The following CSMD1 variants were observed in gnomAD, a reference collection of about 807,000 sequenced individuals.
CSMD1 encodes CUB and sushi domain-containing protein 1.
In CSMD1, 213 loss-of-function variants were observed where a neutral mutation model predicts 417.5. The observed-to-expected ratio is 0.51, with a 90% CI of 0.46 to 0.57. The LOEUF is 0.57. CSMD1 is among the 20% of genes least tolerant of loss of function. CSMD1 has a pLI of 0.00. For missense variants in CSMD1, 6,923 were observed against 4,529.7 expected, an observed-to-expected ratio of 1.53 and a Z score of -15.17; for synonymous variants, 2,862 against 1,736.8, an observed-to-expected ratio of 1.65 and a Z score of -16.11.
intron 12 of CSMD1, among the ~76,000 whole-genome samples, chr8:3,437,203 A>T (rs1814620502): frequency 6.6e-6 from 1 of 152,156 alleles, no homozygotes; most frequent in South Asian, 2.1e-4. Context: ...ACTCATAAAA[A>T]TCCTGTCTGT....
chr8:4,165,784 T>A (rs1797423355), intron 3 of CSMD1, among the ~76,000 whole-genome samples: 1 of 152,210 alleles, frequency 6.6e-6, no homozygotes, highest in Admixed American at 6.5e-5. Context: ...TTAGCTCACG[T>A]GTTGTCACTC....
intron 11 of CSMD1, among the ~76,000 whole-genome samples, chr8:3,485,333 AATG>A (rs1174907987): frequency 6.6e-6 from 1 of 152,126 alleles, no homozygotes; most frequent in African/African-American, 2.4e-5. Flanking sequence ...ACATTCTTGC[AATG>A]ACAAATTTTT....
At chr8:4,698,138 T>G (rs1045940134) in intron 1 of CSMD1, among the ~76,000 whole-genome samples, 140 of 126,308 alleles carry the variant, frequency 1.1e-3, no homozygotes, top group Non-Finnish European at 1.6e-3. Flanking sequence ...ATACTGGGTT[T>G]TTTTTTTTTT....
chr8:3,688,544 A>G (rs1197087526), intron 7 of CSMD1, among the ~76,000 whole-genome samples: 1 of 152,238 alleles, frequency 6.6e-6, no homozygotes, highest in Non-Finnish European at 1.5e-5. Flanking sequence ...AAACTTAACT[A>G]CAATGCATGT....
chr8:3,491,234 C>A (rs1818358676), intron 11 of CSMD1, among the ~76,000 whole-genome samples: 1 of 152,136 alleles, frequency 6.6e-6, no homozygotes, highest in Admixed American at 6.5e-5. Context: ...GATCCTGGAG[C>A]AGTATCACAT....
At chr8:4,182,998 G>T (rs1630284) in intron 3 of CSMD1, among the ~76,000 whole-genome samples, 1 of 152,098 alleles carries the variant, frequency 6.6e-6, no homozygotes, top group Non-Finnish European at 1.5e-5. Context: ...AGTCTTTCAA[G>T]TAAAGAGTAA....
intron 1 of CSMD1, among the ~76,000 whole-genome samples, chr8:4,895,081 T>C (rs919696901): frequency 6.6e-6 from 1 of 152,166 alleles, no homozygotes; most frequent in Non-Finnish European, 1.5e-5. Context: ...CATGAGTAAA[T>C]ATGTTTCACT....
At chr8:4,636,266 A>C (rs1802806155) in intron 2 of CSMD1, among the ~76,000 whole-genome samples, 1 of 152,202 alleles carries the variant, frequency 6.6e-6, no homozygotes. Flanking sequence ...TGAAAACAAA[A>C]AGTAGATACA....
chr8:4,728,451 A>T (rs17071137), intron 1 of CSMD1, among the ~76,000 whole-genome samples: 1,672 of 152,196 alleles, frequency 0.011, 10 homozygotes, highest in Non-Finnish European at 0.02. Context: ...CTTGTTACCA[A>T]TTGAACGTAT....
At chr8:4,599,025 T>C (rs1473560347) in intron 2 of CSMD1, among the ~76,000 whole-genome samples, 2 of 152,220 alleles carry the variant, frequency 1.3e-5, no homozygotes, top group Non-Finnish European at 2.9e-5. Context: ...TAAAAATGTA[T>C]TAAACTCTTT....
chr8:4,042,574 G>C (rs1052787175), intron 3 of CSMD1, among the ~76,000 whole-genome samples: 1 of 151,936 alleles, frequency 6.6e-6, no homozygotes, highest in Non-Finnish European at 1.5e-5. Flanking sequence ...GAAGGTAATA[G>C]CATAGTAAGG....
At chr8:3,391,137 C>T (rs1411167590) in intron 17 of CSMD1, among the ~76,000 whole-genome samples, 1 of 151,224 alleles carries the variant, frequency 6.6e-6, no homozygotes, top group African/African-American at 2.4e-5. Context: ...ACTCTCCTTT[C>T]CTTTTCTGAT....
intron 16 of CSMD1, among the ~76,000 whole-genome samples, chr8:3,397,243 C>G (rs1012622287): frequency 6.6e-6 from 1 of 152,142 alleles, no homozygotes; most frequent in Non-Finnish European, 1.5e-5. Context: ...CTCACTCAGT[C>G]ACTTTGAGCC....
rs984223304 is a variant in CSMD1, at chr8:3,406,034, G to A, written c.2259C>T (p.Arg753=). Residue 753 remains arginine, a synonymous_variant, in exon 15 of 70, where the codon CGC becomes CGT. Coordinates refer to ENST00000635120, the MANE Select transcript of CSMD1 (RefSeq NM_033225.6). ...GNVVWSSTVP[R]CEAPCGGHLT... is the part of the protein sequence containing the mutation. ...GGGTGGCAGGGACTGCACCTTCACA[G>A]CGGGGCACGGTGGAGCTCCAGACCA... 2 of 1,613,682 alleles carry A rather than the reference G, an allele frequency of 1.2e-6. No homozygotes were observed. The highest frequency in any genetic ancestry group is 1.3e-5 in the African/African-American group (1 of 75,050).
At chr8:4,567,463 G>A (rs929774614) in intron 2 of CSMD1, among the ~76,000 whole-genome samples, 3 of 152,210 alleles carry the variant, frequency 2.0e-5, no homozygotes, top group African/African-American at 7.2e-5. Context: ...CTTGGAAGGA[G>A]GAAGAAAAGA....
At chr8:3,100,290 G>A (rs1815637070) in intron 46 of CSMD1, among the ~76,000 whole-genome samples, 1 of 152,146 alleles carries the variant, frequency 6.6e-6, no homozygotes, top group South Asian at 2.1e-4. Context: ...CTGGGCTCAA[G>A]CAATCCTTCC....
At chr8:3,246,262 T>C (rs1419315481) in intron 26 of CSMD1, among the ~76,000 whole-genome samples, 1 of 152,070 alleles carries the variant, frequency 6.6e-6, no homozygotes, top group Non-Finnish European at 1.5e-5. Context: ...TCATTCTTCC[T>C]TGGAATCCAT....
At chr8:3,630,203 G>C (rs940894959) in intron 7 of CSMD1, among the ~76,000 whole-genome samples, 1 of 152,196 alleles carries the variant, frequency 6.6e-6, no homozygotes, top group African/African-American at 2.4e-5. Context: ...GCTCCTGGGA[G>C]GGAGAAATTA....
rs538180508 is a variant in CSMD1, at chr8:4,799,403, C to T, written c.86-161845G>A. On this transcript the variant is annotated intron_variant, in intron 1 of 69. Coordinates refer to ENST00000635120, the MANE Select transcript of CSMD1 (RefSeq NM_033225.6). ...AGTGTTTTAAAATAGTCATCCTCAG[C>T]CCGGCCACCATGGCAAAACCCCCTC... is the stretch of plus-strand genomic sequence containing the variant. Among the ~76,000 whole-genome samples the T allele has an allele frequency of 3.9e-5, 6 of 151,912 alleles. No homozygotes were observed. In the East Asian group the frequency reaches 1.2e-3, roughly 29 times the overall value.
Sources: allele counts gnomAD v4.1 joint callset (sites outside exome capture counted in the v4.1 genomes callset), GRCh38; gene constraint gnomAD v4.1.1; transcripts MANE v1.5; gene names NCBI Gene and HGNC (gene_info 2026-07-23, HGNC 2026-07-21).